The following GAD1 variants were observed in gnomAD, a reference collection of about 807,000 sequenced individuals.
GAD1 encodes glutamate decarboxylase 1.
Under a neutral mutation model 75.2 loss-of-function variants are expected in GAD1, and 35 were observed. That is an observed-to-expected ratio of 0.47 (90% confidence interval 0.36 to 0.62). The LOEUF (loss-of-function observed/expected upper bound fraction) is 0.62. Ranked by LOEUF, GAD1 falls within the 20% of genes least tolerant of loss-of-function variation. The pLI is 0.00. For synonymous variants in GAD1, 257 were observed against 271.9 expected, an observed-to-expected ratio of 0.95 and a Z score of 0.54; for missense variants, 490 against 758.5, an observed-to-expected ratio of 0.65 and a Z score of 4.16.
At chr2:170,847,185 T>C (rs920324731) in intron 10 of GAD1, among the ~76,000 whole-genome samples, 2 of 152,240 alleles carry the variant, frequency 1.3e-5, no homozygotes, top group African/African-American at 4.8e-5. Flanking sequence ...TGTTTCAGTA[T>C]AATTATTATA....
chr2:170,848,697 A>G (rs1439464551), intron 11 of GAD1: 2 of 517,952 alleles, frequency 3.9e-6, no homozygotes, highest in South Asian at 2.8e-5. Flanking sequence ...TTAACTTCTC[A>G]CAATTGGCCA....
At chr2:170,821,526 G>T (rs572861907) in intron 2 of GAD1, among the ~76,000 whole-genome samples, 35 of 152,280 alleles carry the variant, frequency 2.3e-4, no homozygotes, top group Admixed American at 3.3e-4. Flanking sequence ...ATGCGAGCCC[G>T]ATCATCTAGT....
At chr2:170,819,981 A>C (rs1041225681) in intron 2 of GAD1, among the ~76,000 whole-genome samples, 2 of 152,084 alleles carry the variant, frequency 1.3e-5, no homozygotes, top group South Asian at 2.1e-4. Context: ...GGATACAATT[A>C]CCCACACAAC....
intron 3 of GAD1, 71 bp from the exon 4 acceptor site, chr2:170,829,404 T>G (rs1263147964): frequency 3.3e-6 from 5 of 1,524,058 alleles, no homozygotes; most frequent in Admixed American, 1.7e-5. Context: ...GAGAGTTGAT[T>G]CACTCTGCAG....
chr2:170,822,196 G>C, intron 3 of GAD1, 47 bp downstream of exon 3: 1 of 1,506,112 alleles, frequency 6.6e-7, no homozygotes, highest in Non-Finnish European at 9.2e-7. Context: ...CGCGGCGGGC[G>C]GACCTTTGGG....
Position 170,842,500 on chromosome 2 carries a change from G to A in GAD1, c.639-1545G>A, listed in dbSNP as rs370044709. ...AAGAATGGTTAAAAGCCCATCATGAGTTTGCCTCTTGGTACACTTGGCAGC... is the reference window on the plus strand; with the variant it reads ...AAGAATGGTTAAAAGCCCATCATGAATTTGCCTCTTGGTACACTTGGCAGC... On this transcript the variant is annotated intron_variant, in intron 6 of 16. Transcript: ENST00000358196. The A allele has an allele frequency of 3.5e-5, 48 of 1,365,944 alleles. 1 individual carries two copies. In the South Asian group the frequency reaches 5.1e-4, roughly 15 times the overall value. 84.6% of individuals were successfully genotyped at this position (1,365,944 alleles called of 1,614,324 possible). A position where few individuals can be genotyped will look rare whatever the true frequency, so the allele number is the denominator to read the frequency against.
At chr2:170,831,450 T>C (rs1702220830) in intron 5 of GAD1, among the ~76,000 whole-genome samples, 1 of 151,870 alleles carries the variant, frequency 6.6e-6, no homozygotes, top group Non-Finnish European at 1.5e-5. Flanking sequence ...TAGGTCAAGT[T>C]CTGTATAAAG....
intron 11 of GAD1, chr2:170,848,997 A>C: frequency 2.1e-6 from 1 of 481,606 alleles, no homozygotes; most frequent in Non-Finnish European, 3.8e-6. Context: ...ACATTGGGCT[A>C]ATGGGCCATT....
At chr2:170,842,543 T>C (rs1406195542) in intron 6 of GAD1, 3 of 1,609,810 alleles carry the variant, frequency 1.9e-6, no homozygotes, top group Middle Eastern at 1.6e-4. Flanking sequence ...AAACCAGGAA[T>C]CCTTCTCTTC....
At position 170,818,858 on chromosome 2, in the gene GAD1, C is replaced by T. The variant is rs1343450314; in HGVS notation, c.82+185C>T. Among the ~76,000 whole-genome samples, 2 of 152,174 alleles carry T rather than the reference C, an allele frequency of 1.3e-5. No homozygotes were observed. Among genetic ancestry groups the T allele is most frequent in the Admixed American group, 6.5e-5 (1 of 15,284 alleles). On this transcript the variant is annotated intron_variant, in intron 2 of 16. Transcript: ENST00000358196. The surrounding 1 kb of genome is among the most constrained non-coding windows in gnomAD (Gnocchi z 5.9). ...GGCTGTCAGGGACGCTAGGTGACTCCCAGGGCACCGGAAAGCGAGGACCAC... is the reference window on the plus strand; with the variant it reads ...GGCTGTCAGGGACGCTAGGTGACTCTCAGGGCACCGGAAAGCGAGGACCAC...
Position 170,818,380 on chromosome 2 carries a change from C to T in GAD1, c.-63-149C>T, listed in dbSNP as rs1701769629. ...CTCCGCTGCCCCCACCCCTGCGCAC[C>T]CCTACCAGGCAGGCTCGCTGCCTTT... On this transcript the variant is annotated intron_variant, in intron 1 of 16. Coordinates refer to ENST00000358196, the MANE Select transcript of GAD1 (RefSeq NM_000817.3). The surrounding 1 kb of genome is among the most constrained non-coding windows in gnomAD (Gnocchi z 5.9). 1 of 607,060 alleles carries T rather than the reference C, an allele frequency of 1.6e-6. No individual in the cohort carries two copies. The highest frequency in any genetic ancestry group is 2.7e-5 in the Admixed American group (1 of 36,864). The allele number at this position is 607,060 out of a possible 1,614,324, so 37.6% of individuals were successfully genotyped here. A position where few individuals can be genotyped will look rare whatever the true frequency, so the allele number is the denominator to read the frequency against.
intron 12 of GAD1, among the ~76,000 whole-genome samples, chr2:170,849,998 T>G (rs1021872208): frequency 6.6e-6 from 1 of 152,240 alleles, no homozygotes; most frequent in South Asian, 2.1e-4. Flanking sequence ...GACTCCTAAG[T>G]GTTGACCCAT....
At chr2:170,837,887 T>C (rs1353103213) in intron 6 of GAD1, among the ~76,000 whole-genome samples, 2 of 152,204 alleles carry the variant, frequency 1.3e-5, no homozygotes, top group African/African-American at 4.8e-5. Flanking sequence ...CCATTTGATA[T>C]CAAGATAGAA....
rs765913071 is a variant in GAD1, at chr2:170,818,636, G to A, written c.45G>A (p.Ala15=). 1.7e-5 allele frequency: 28 copies of A among 1,614,006 alleles called. No homozygotes were observed. Among genetic ancestry groups the A allele is most frequent in the Non-Finnish European group, 2.1e-5 (25 of 1,180,032 alleles). ...TPSSSATSSN[A]GADPNTTNLR... ...CTTCGTCCGCAACCTCCTCGAACGC[G>A]GGAGCGGACCCCAATACCACTAACC... Residue 15 remains alanine, a synonymous_variant, in exon 2 of 17, where the codon GCG becomes GCA. Transcript: ENST00000358196. The surrounding 1 kb of genome is among the most constrained non-coding windows in gnomAD (Gnocchi z 5.9).
At position 170,818,696 on chromosome 2, in the gene GAD1, A is replaced by G. The variant is rs567242632; in HGVS notation, c.82+23A>G. ...CAAGTAGGTCCCGCCCCAATTTTCT[A>G]TCAAATGAACTGCAGGGAAGATGGG... On this transcript the variant is annotated intron_variant, in intron 2 of 16. Coordinates refer to ENST00000358196, the MANE Select transcript of GAD1 (RefSeq NM_000817.3). The surrounding 1 kb of genome is among the most constrained non-coding windows in gnomAD (Gnocchi z 5.9). The G allele has an allele frequency of 4.0e-5, 65 of 1,610,312 alleles. No individual in the cohort carries two copies. In the Middle Eastern group the frequency reaches 8.3e-4, roughly 20 times the overall value.
intron 16 of GAD1, among the ~76,000 whole-genome samples, chr2:170,859,182 A>G (rs186074835): frequency 2.0e-5 from 3 of 152,314 alleles, no homozygotes; most frequent in Non-Finnish European, 2.9e-5. Flanking sequence ...AATAATGTGC[A>G]TATTCCTAGG....
intron 11 of GAD1, among the ~76,000 whole-genome samples, chr2:170,848,341 T>C (rs1451571659): frequency 6.6e-6 from 1 of 151,760 alleles, no homozygotes; most frequent in African/African-American, 2.4e-5. Flanking sequence ...CTACTAAAAA[T>C]ACAAAAATTA....
intron 9 of GAD1, 40 bp downstream of exon 9, chr2:170,845,825 A>C (rs892303802): frequency 9.5e-6 from 15 of 1,581,676 alleles, no homozygotes; most frequent in African/African-American, 1.3e-5. Flanking sequence ...TTGATGTATT[A>C]AATGTGTTCA....
At chr2:170,855,326 A>C (rs1196924663) in intron 14 of GAD1, among the ~76,000 whole-genome samples, 1 of 149,982 alleles carries the variant, frequency 6.7e-6, no homozygotes, top group East Asian at 2.0e-4. Context: ...CTCCTGCCTC[A>C]GCCTTCCAAG....
Sources: allele counts gnomAD v4.1 joint callset (sites outside exome capture counted in the v4.1 genomes callset), GRCh38; gene constraint gnomAD v4.1.1; non-coding constraint Gnocchi (gnomAD v3.1); transcripts MANE v1.5; gene names NCBI Gene and HGNC (gene_info 2026-07-23, HGNC 2026-07-21).